Variants in PCGF3 observed in about 807,000 individuals in gnomAD.
PCGF3 encodes the protein polycomb group RING finger protein 3.
A neutral mutation model predicts 33.1 loss-of-function variants in PCGF3; 7 were observed. The ratio of observed to expected loss-of-function variants is 0.21; its 90% CI spans 0.12 to 0.40. PCGF3 has a LOEUF of 0.40. Among genes scored for constraint, PCGF3 ranks in the 10% least tolerant of loss-of-function variants. PCGF3 has a pLI of 1.00. For missense variants in PCGF3, 211 were observed against 313.3 expected, an observed-to-expected ratio of 0.67 and a Z score of 2.46; for synonymous variants, 153 against 121.3, an observed-to-expected ratio of 1.26 and a Z score of -1.72.
chr4:712,444 T>TTTTG (rs199769516), intron 1 of PCGF3, among the ~76,000 whole-genome samples: 2 of 152,184 alleles, frequency 1.3e-5, no homozygotes, highest in Non-Finnish European at 1.5e-5. Context: ...TGTTTTTGTT[T>TTTTG]TTTGTTTGTT....
rs57690550 is a variant in PCGF3 at position 727,233 on chromosome 4, C to CTTTT, written c.-189-3375_-189-3372dup. ...AGAGGATGTGTGTGTTAGCGAGCGT[C>CTTTT]TTTTTTTTTTTTTTTTTTTTTTTTT... On this transcript the variant is annotated intron_variant, in intron 1 of 10. Transcript: ENST00000362003. 5.6e-3 allele frequency among the ~76,000 whole-genome samples: 348 copies of CTTTT among 61,892 alleles called. 27 individuals are homozygous for CTTTT. The highest frequency in any genetic ancestry group is 0.018 in the African/African-American group (278 of 15,770). The allele number at this position is 61,892 out of a possible 152,430, so 40.6% of individuals were successfully genotyped here. A position where few individuals can be genotyped will look rare whatever the true frequency, so the allele number is the denominator to read the frequency against.
intron 4 of PCGF3, 182 bp downstream of exon 4, chr4:733,971 T>C (rs1293546165): frequency 1.9e-6 from 3 of 1,551,300 alleles, no homozygotes; most frequent in East Asian, 4.9e-5. Flanking sequence ...CTAAAGGTCC[T>C]GTGGGTGGTG....
chr4:766,144 T>G (rs1745361283), exon 11 of PCGF3: 2 of 1,349,648 alleles, frequency 1.5e-6, no homozygotes, highest in Non-Finnish European at 2.1e-6. Flanking sequence ...CCGCCGCGCT[T>G]AAGAACATTG....
At chr4:738,500 G>A (rs867122744) in intron 6 of PCGF3, among the ~76,000 whole-genome samples, 31 of 152,326 alleles carry the variant, frequency 2.0e-4, no homozygotes, top group African/African-American at 7.5e-4. Flanking sequence ...CGTAGCAGTG[G>A]GCGGGATCGG....
chr4:714,642 C>T (rs1044234515), intron 1 of PCGF3, among the ~76,000 whole-genome samples: 4 of 152,164 alleles, frequency 2.6e-5, no homozygotes, highest in Non-Finnish European at 4.4e-5. Flanking sequence ...GACCCCCTGG[C>T]GTTGGAGGTC....
At chr4:761,175 C>T (rs544799294) in intron 8 of PCGF3, 104 bp from the exon 9 acceptor site, 3 of 862,940 alleles carry the variant, frequency 3.5e-6, no homozygotes, top group South Asian at 2.7e-5. Flanking sequence ...TCAAAAAGGT[C>T]AGCAGTCCTA....
intron 1 of PCGF3, among the ~76,000 whole-genome samples, chr4:711,489 C>T (rs755733297): frequency 7.5e-4 from 97 of 129,346 alleles, no homozygotes; most frequent in Non-Finnish European, 1.3e-3. Flanking sequence ...CTCGCTCTGT[C>T]GCCCAGGCCG....
intron 1 of PCGF3, among the ~76,000 whole-genome samples, chr4:706,705 C>G (rs1742322089): frequency 7.5e-6 from 1 of 133,886 alleles, no homozygotes; most frequent in Non-Finnish European, 1.6e-5. Flanking sequence ...GACCCCAGAC[C>G]AGGCAGGACC....
chr4:756,076 G>A (rs1376631383), intron 8 of PCGF3, among the ~76,000 whole-genome samples: 6 of 151,664 alleles, frequency 4.0e-5, no homozygotes, highest in Non-Finnish European at 8.8e-5. Flanking sequence ...ACCATACCCA[G>A]CTAATTTTTT....
chr4:734,573 G>C, intron 4 of PCGF3: 1 of 1,163,590 alleles, frequency 8.6e-7, no homozygotes, highest in Non-Finnish European at 1.1e-6. Context: ...GTACGTAGAA[G>C]ATACTGTCAT....
intron 5 of PCGF3, among the ~76,000 whole-genome samples, chr4:737,146 G>A (rs910674894): frequency 3.3e-5 from 5 of 150,480 alleles, no homozygotes; most frequent in African/African-American, 1.2e-4. Flanking sequence ...AACCTGGGGT[G>A]TCTGCAGGGA....
rs1743059889 is a variant in PCGF3, at chr4:721,125, G to A, written c.-189-9505G>A. On this transcript the variant is annotated intron_variant, in intron 1 of 10. Coordinates refer to ENST00000362003, the Ensembl canonical transcript of PCGF3. The surrounding 1 kb of genome is among the most constrained non-coding windows in gnomAD (Gnocchi z 4.1). ...CCTGGGGAGGGAACGCTGCTTGTCG[G>A]GCGGTGGTGACGATTTCATGGATGT... Among the ~76,000 whole-genome samples, 1 of 151,974 alleles carries A rather than the reference G, an allele frequency of 6.6e-6. No individual in the cohort carries two copies. Among genetic ancestry groups the A allele is most frequent in the African/African-American group, 2.4e-5 (1 of 41,356 alleles).
intron 1 of PCGF3, among the ~76,000 whole-genome samples, chr4:724,696 G>A (rs376369185): frequency 6.6e-6 from 1 of 152,160 alleles, no homozygotes; most frequent in Admixed American, 6.5e-5. Context: ...TACTCAGGAG[G>A]CTGAGGCAGG....
At chr4:711,239 C>T (rs1345020055) in intron 1 of PCGF3, among the ~76,000 whole-genome samples, 1 of 152,250 alleles carries the variant, frequency 6.6e-6, no homozygotes, top group Non-Finnish European at 1.5e-5. Context: ...TACAGCGGCT[C>T]TGTGGCAAAA....
At chr4:744,459 C>G in intron 7 of PCGF3, 141 bp from the exon 8 acceptor site, 2 of 663,014 alleles carry the variant, frequency 3.0e-6, no homozygotes, top group South Asian at 3.8e-5. Context: ...GGACGGCTTT[C>G]CTTTGACGCT....
intron 6 of PCGF3, among the ~76,000 whole-genome samples, chr4:739,071 GTTC>G (rs946203480): frequency 1.3e-5 from 2 of 152,114 alleles, no homozygotes; most frequent in Admixed American, 6.6e-5. Context: ...AAAGATAAGG[GTTC>G]TTCTTAAAGC....
chr4:768,228 G>T (rs1560225006), exon 11 of PCGF3: 1 of 152,676 alleles, frequency 6.5e-6, no homozygotes, highest in Non-Finnish European at 1.5e-5. Flanking sequence ...AGCAGCAGAA[G>T]TCCCTATTTT....
At chr4:751,162 A>C (rs1411832989) in intron 8 of PCGF3, among the ~76,000 whole-genome samples, 1 of 151,958 alleles carries the variant, frequency 6.6e-6, no homozygotes, top group African/African-American at 2.4e-5. Flanking sequence ...GCTGCCCTTA[A>C]ACTTGGATTC....
intron 6 of PCGF3, among the ~76,000 whole-genome samples, chr4:742,472 G>A (rs1744137115): frequency 6.6e-6 from 1 of 152,232 alleles, no homozygotes; most frequent in Non-Finnish European, 1.5e-5. Flanking sequence ...TTACTTTTCA[G>A]AGTGATGTCT....
Sources: allele counts gnomAD v4.1 joint callset (sites outside exome capture counted in the v4.1 genomes callset), GRCh38; gene constraint gnomAD v4.1.1; non-coding constraint Gnocchi (gnomAD v3.1); transcripts MANE v1.5; gene names NCBI Gene and HGNC (gene_info 2026-07-23, HGNC 2026-07-21).